Variants in KCNQ5 observed in about 807,000 individuals in gnomAD.
KCNQ5 encodes potassium voltage-gated channel subfamily KQT member 5.
In KCNQ5, 30 loss-of-function variants were observed where a neutral mutation model predicts 98.2. The observed-to-expected ratio is 0.31, with a 90% CI of 0.23 to 0.41. The LOEUF (loss-of-function observed/expected upper bound fraction) is 0.41, where lower values mean the gene tolerates loss of function less well. KCNQ5 is among the 10% of genes least tolerant of loss of function. The probability of loss-of-function intolerance (pLI) is 1.00; values close to 1 mark genes in which losing one functional copy is unlikely to be tolerated. For missense variants in KCNQ5, 835 were observed against 1,182.5 expected (o/e 0.71, Z 4.31); for synonymous variants, 458 against 449.4 (o/e 1.02, Z -0.24).
chr6:73,198,622 C>T lies in KCNQ5; in HGVS notation c.*3208C>T, dbSNP rs1319634776. On this transcript the variant is annotated 3_prime_UTR_variant, in exon 14 of 14. Coordinates refer to ENST00000370398, the MANE Select transcript of KCNQ5 (RefSeq NM_019842.4). ...CTCCCTAGAAGCTGAGATTTTTCGC[C>T]TTAAATGACATGGTTGTGTTTTTGT... 3 of 152,276 alleles carry T rather than the reference C, an allele frequency of 2.0e-5. No individual in the cohort carries two copies. The highest frequency in any genetic ancestry group is 7.2e-5 in the African/African-American group (3 of 41,554). 9.4% of individuals were successfully genotyped at this position (152,276 alleles called of 1,614,324 possible). A position where few individuals can be genotyped will look rare whatever the true frequency, so the allele number is the denominator to read the frequency against.
At position 73,173,862 on chromosome 6, in the gene KCNQ5, G is replaced by GC. The variant is rs148992811; in HGVS notation, c.1577+4012dup. Among the ~76,000 whole-genome samples, 561 of 151,786 alleles carry GC rather than the reference G, an allele frequency of 3.7e-3. 5 individuals are homozygous for GC. The highest frequency in any genetic ancestry group is 0.013 in the African/African-American group (524 of 41,408). On this transcript the variant is annotated intron_variant, in intron 11 of 13. Transcript: ENST00000370398. ...TATACAACTGCATATTTATGGAAGA[G>GC]CCCCAGAATAATAACTTTTTTAAAT...
At chr6:72,758,918 T>G (rs1213704171) in intron 1 of KCNQ5, among the ~76,000 whole-genome samples, 1 of 152,148 alleles carries the variant, frequency 6.6e-6, no homozygotes, top group Non-Finnish European at 1.5e-5. Flanking sequence ...TAAAGCCATA[T>G]TAGGAAGAAG....
At chr6:73,144,842 T>G (rs1776858372) in intron 10 of KCNQ5, among the ~76,000 whole-genome samples, 1 of 152,030 alleles carries the variant, frequency 6.6e-6, no homozygotes, top group African/African-American at 2.4e-5. Context: ...GGTGGTGGGT[T>G]CCCAAGAGCA....
intron 2 of KCNQ5, among the ~76,000 whole-genome samples, chr6:73,039,823 T>C (rs1771609077): frequency 6.6e-6 from 1 of 152,196 alleles, no homozygotes; most frequent in South Asian, 2.1e-4. Context: ...AGTCAGATCC[T>C]GCAGGTTGAA....
At chr6:72,884,455 G>A (rs1778775219) in intron 1 of KCNQ5, among the ~76,000 whole-genome samples, 1 of 152,178 alleles carries the variant, frequency 6.6e-6, no homozygotes, top group Non-Finnish European at 1.5e-5. Flanking sequence ...GCAACAGTGA[G>A]AGATGAGAGA....
intron 5 of KCNQ5, among the ~76,000 whole-genome samples, chr6:73,098,512 G>A (rs1774617479): frequency 6.6e-6 from 1 of 152,064 alleles, no homozygotes. Context: ...CAAAAGAAGA[G>A]AAATAAATAA....
chr6:72,757,943 C>A (rs550846065), intron 1 of KCNQ5, among the ~76,000 whole-genome samples: 1 of 152,026 alleles, frequency 6.6e-6, no homozygotes, highest in South Asian at 2.1e-4. Flanking sequence ...TATTTATTTG[C>A]CAAGCATGAA....
At chr6:72,798,725 GT>G (rs1774475374) in intron 1 of KCNQ5, among the ~76,000 whole-genome samples, 1 of 152,076 alleles carries the variant, frequency 6.6e-6, no homozygotes, top group African/African-American at 2.4e-5. Context: ...AATATTCTCA[GT>G]TAGGTGCACA....
At chr6:73,034,703 T>G (rs1238782935) in intron 2 of KCNQ5, among the ~76,000 whole-genome samples, 9 of 152,174 alleles carry the variant, frequency 5.9e-5, no homozygotes. Flanking sequence ...ATGTATCAAT[T>G]AAATTGAATC....
At chr6:73,162,205 G>A (rs1777639866) in intron 10 of KCNQ5, among the ~76,000 whole-genome samples, 1 of 152,096 alleles carries the variant, frequency 6.6e-6, no homozygotes, top group Non-Finnish European at 1.5e-5. Context: ...GGGATTACAG[G>A]CGTGAGCTGC....
intron 1 of KCNQ5, among the ~76,000 whole-genome samples, chr6:72,998,510 C>T (rs182236408): frequency 2.6e-5 from 4 of 152,070 alleles, no homozygotes; most frequent in Non-Finnish European, 2.9e-5. Flanking sequence ...CCGATGCGGG[C>T]GGATTATGAG....
intron 1 of KCNQ5, among the ~76,000 whole-genome samples, chr6:72,871,642 A>G (rs1279658995): frequency 1.3e-5 from 2 of 152,192 alleles, no homozygotes; most frequent in South Asian, 2.1e-4. Context: ...AAAGAACAAT[A>G]TTTAACCTAA....
chr6:73,061,642 C>T (rs1188079454), intron 3 of KCNQ5, among the ~76,000 whole-genome samples: 3 of 152,086 alleles, frequency 2.0e-5, no homozygotes, highest in Admixed American at 6.5e-5. Context: ...TTTTAACTCA[C>T]GAAAAACTCT....
At chr6:72,726,362 C>A (rs191837907) in intron 1 of KCNQ5, among the ~76,000 whole-genome samples, 2 of 151,980 alleles carry the variant, frequency 1.3e-5, no homozygotes, top group Admixed American at 6.6e-5. Context: ...AGGTGCCCAC[C>A]ACCATGCCCG....
chr6:73,045,047 G>A (rs1771900101), intron 3 of KCNQ5, among the ~76,000 whole-genome samples: 1 of 152,130 alleles, frequency 6.6e-6, no homozygotes, highest in Non-Finnish European at 1.5e-5. Flanking sequence ...CAGCTAACAA[G>A]CCCCATGTAC....
At chr6:73,113,592 AATAT>A (rs1446205745) in intron 7 of KCNQ5, among the ~76,000 whole-genome samples, 2 of 152,278 alleles carry the variant, frequency 1.3e-5, no homozygotes, top group South Asian at 4.1e-4. Context: ...ATACAAAAGA[AATAT>A]AGAGAATAAC....
At chr6:72,669,116 A>G (rs1766970522) in intron 1 of KCNQ5, among the ~76,000 whole-genome samples, 1 of 152,106 alleles carries the variant, frequency 6.6e-6, no homozygotes, top group Non-Finnish European at 1.5e-5. Context: ...CATCAACTCT[A>G]AAGTCTAAAT....
chr6:72,856,682 T>C (rs1352697337), intron 1 of KCNQ5, among the ~76,000 whole-genome samples: 2 of 152,224 alleles, frequency 1.3e-5, no homozygotes, highest in African/African-American at 4.8e-5. Flanking sequence ...TATATGGTAC[T>C]GAATACGGCT....
intron 1 of KCNQ5, chr6:72,986,390 T>A (rs1768778898): frequency 2.3e-6 from 1 of 440,978 alleles, no homozygotes; most frequent in Non-Finnish European, 4.1e-6. Flanking sequence ...ACCTGGGCCC[T>A]GGGCTCCCAG....
Sources: gnomAD v4.1 joint callset for allele counts (sites outside exome capture counted in the v4.1 genomes callset) on GRCh38, gnomAD v4.1.1 for gene constraint, MANE v1.5 for transcripts, NCBI Gene and HGNC (gene_info 2026-07-23, HGNC 2026-07-21) for gene names.